ETV7: variants seen among roughly 807,000 people sequenced by gnomAD.
ETV7 encodes ETS variant transcription factor 7.
Under a neutral mutation model 39.1 loss-of-function variants are expected in ETV7, and 43 were observed. The ratio of observed to expected loss-of-function variants is 1.10; its 90% CI spans 0.86 to 1.42. The LOEUF is 1.42. ETV7 is among the 40% of genes most tolerant of loss of function. ETV7 has a pLI of 0.00. For missense variants in ETV7, 432 were observed against 442.3 expected, an observed-to-expected ratio of 0.98 and a Z score of 0.21; for synonymous variants, 196 against 176.6, an observed-to-expected ratio of 1.11 and a Z score of -0.87.
At chr6:36,368,747 T>A (rs1772848989) in intron 6 of ETV7, among the ~76,000 whole-genome samples, 182 bp downstream of exon 6, 1 of 152,170 alleles carries the variant, frequency 6.6e-6, no homozygotes, top group African/African-American at 2.4e-5. Flanking sequence ...ACATTCCCCA[T>A]CCATAAGAGG....
chr6:36,364,491 G>A (rs1344765543), downstream of ETV7, among the ~76,000 whole-genome samples: 1 of 152,240 alleles, frequency 6.6e-6, no homozygotes, highest in Admixed American at 6.5e-5. Context: ...GTCCCTCATT[G>A]CCCGGGGCTG....
downstream of ETV7, among the ~76,000 whole-genome samples, chr6:36,365,929 T>C (rs1286735857): frequency 6.6e-6 from 1 of 152,170 alleles, no homozygotes; most frequent in Non-Finnish European, 1.5e-5. Context: ...CCAAGCACTT[T>C]GGGAAACTGA....
At chr6:36,363,365 G>A (rs76241301), downstream of ETV7, among the ~76,000 whole-genome samples, 1 of 147,748 alleles carries the variant, frequency 6.8e-6, no homozygotes, top group African/African-American at 2.6e-5. Flanking sequence ...CGCGTCTGGA[G>A]TCGTTCGTTC....
intron 2 of ETV7, among the ~76,000 whole-genome samples, chr6:36,378,113 C>A (rs77112350): frequency 0.018 from 2,800 of 152,118 alleles, 73 homozygotes; most frequent in African/African-American, 0.058. Flanking sequence ...GAAGGTGGAG[C>A]CCAGGAGCAA....
intron 4 of ETV7, among the ~76,000 whole-genome samples, chr6:36,372,263 C>G (rs62403705): frequency 0.35 from 53,073 of 151,984 alleles, 9,546 homozygotes; most frequent in Non-Finnish European, 0.39. Flanking sequence ...AGGAGCATCT[C>G]AGACTTGTCC....
chr6:36,384,557 C>T (rs1490431430), intron 2 of ETV7, among the ~76,000 whole-genome samples: 1 of 152,102 alleles, frequency 6.6e-6, no homozygotes, highest in Non-Finnish European at 1.5e-5. Flanking sequence ...TGTGTTTGAA[C>T]CTCACTATTA....
At chr6:36,359,813 G>A (rs747130572) in intron 7 of ETV7, among the ~76,000 whole-genome samples, 23 of 152,168 alleles carry the variant, frequency 1.5e-4, no homozygotes, top group Non-Finnish European at 3.1e-4. Context: ...GGCAAAGGAT[G>A]TTGTCTTTCA....
chr6:36,385,457 C>T, intron 2 of ETV7, 77 bp downstream of exon 2: 13 of 1,582,528 alleles, frequency 8.2e-6, no homozygotes, highest in South Asian at 1.1e-5. Flanking sequence ...AAGTAAGCAA[C>T]AGAGCAAGAC....
chr6:36,375,868 G>T lies in ETV7; in HGVS notation c.307+3C>A, dbSNP rs372015214. The T allele has an allele frequency of 5.7e-5, 92 of 1,613,882 alleles. No homozygotes were observed. Among genetic ancestry groups the T allele is most frequent in the South Asian group, 8.8e-5 (8 of 91,090 alleles). On this transcript the variant is annotated splice_donor_region_variant and intron_variant, in intron 3 of 7. Coordinates refer to ENST00000340181, the MANE Select transcript of ETV7 (RefSeq NM_016135.4). The stretch of plus-strand genomic sequence containing the variant: ...TAGAGGAAAGCCTGTGCGTTTCCCT[G>T]ACCTGAGCTGGGCGCACGGTGCCGG...
chr6:36,362,848 T>C (rs150450404), downstream of ETV7, among the ~76,000 whole-genome samples: 1 of 152,164 alleles, frequency 6.6e-6, no homozygotes, highest in Non-Finnish European at 1.5e-5. Flanking sequence ...CGCTGGGAAA[T>C]GTAGCTGTTG....
chr6:36,364,286 C>T (rs771524055), downstream of ETV7, among the ~76,000 whole-genome samples: 3 of 152,198 alleles, frequency 2.0e-5, no homozygotes, highest in Non-Finnish European at 2.9e-5. Flanking sequence ...CAGGGGGTGG[C>T]GCTCGTCGGG....
At chr6:36,377,856 G>A (rs1360575160) in intron 2 of ETV7, among the ~76,000 whole-genome samples, 2 of 152,154 alleles carry the variant, frequency 1.3e-5, no homozygotes, top group Admixed American at 6.5e-5. Context: ...CGTTCACTGT[G>A]CTGAGAAAAC....
chr6:36,364,412 G>T (rs1160493655), downstream of ETV7, among the ~76,000 whole-genome samples: 1 of 152,328 alleles, frequency 6.6e-6, no homozygotes, highest in East Asian at 1.9e-4. Context: ...GAAATCGAGC[G>T]CAGCGCCGGT....
rs1353113621 is a variant in ETV7 at position 36,366,494 on chromosome 6, G to A, written c.*151C>T. 4 of 1,511,876 alleles carry A rather than the reference G, an allele frequency of 2.6e-6. No individual in the cohort carries two copies. The highest frequency in any genetic ancestry group is 1.4e-5 in the African/African-American group (1 of 71,992). The allele number at this position is 1,511,876 out of a possible 1,614,324, so 93.7% of individuals were successfully genotyped here. ...CCTGCCCCCAGTGTCCTGGATGGGA[G>A]GCCTCCCAGCCTTCCCAAGCAATGG... is the stretch of plus-strand genomic sequence containing the variant. On this transcript the variant is annotated 3_prime_UTR_variant, in exon 8 of 8. Coordinates refer to ENST00000340181, the MANE Select transcript of ETV7 (RefSeq NM_016135.4).
At chr6:36,383,538 T>C (rs9470266) in intron 2 of ETV7, among the ~76,000 whole-genome samples, 11 of 151,490 alleles carry the variant, frequency 7.3e-5, no homozygotes, top group African/African-American at 2.2e-4. Flanking sequence ...AAATGGAGGT[T>C]GGAGGTAGGG....
At chr6:36,371,618 A>C in intron 4 of ETV7, 58 bp from the exon 5 acceptor site, 1 of 1,404,452 alleles carries the variant, frequency 7.1e-7, no homozygotes, top group Non-Finnish European at 9.8e-7. Flanking sequence ...TCCCCAACTC[A>C]ATCCCTCAAT....
At chr6:36,382,492 G>A (rs1056743099) in intron 2 of ETV7, among the ~76,000 whole-genome samples, 10 of 152,116 alleles carry the variant, frequency 6.6e-5, no homozygotes, top group African/African-American at 2.4e-4. Flanking sequence ...ATTTCAACAC[G>A]GTTCCCAGCA....
At chr6:36,361,074 A>G (rs1396374329) in intron 7 of ETV7, among the ~76,000 whole-genome samples, 2 of 152,134 alleles carry the variant, frequency 1.3e-5, no homozygotes, top group Non-Finnish European at 2.9e-5. Context: ...CCCCATCCCC[A>G]GTATATGAGC....
chr6:36,382,344 T>C (rs1773697011), intron 2 of ETV7, among the ~76,000 whole-genome samples: 1 of 152,166 alleles, frequency 6.6e-6, no homozygotes, highest in South Asian at 2.1e-4. Flanking sequence ...TTCACTTCCT[T>C]AGTAAGTCTT....
Sources: allele counts gnomAD v4.1 joint callset (sites outside exome capture counted in the v4.1 genomes callset), GRCh38; gene constraint gnomAD v4.1.1; transcripts MANE v1.5; gene names NCBI Gene and HGNC (gene_info 2026-07-23, HGNC 2026-07-21).